The following PDGFD variants were observed in gnomAD, a reference collection of about 807,000 sequenced individuals.
The protein encoded by PDGFD is platelet derived growth factor D.
A neutral mutation model predicts 44.7 loss-of-function variants in PDGFD; 30 were observed. The observed-to-expected ratio is 0.67, with a 90% CI of 0.50 to 0.91. The LOEUF (loss-of-function observed/expected upper bound fraction) is 0.91, where lower values mean the gene tolerates loss of function less well. PDGFD is among the 40% of genes least tolerant of loss of function. The pLI, the probability that PDGFD is intolerant of heterozygous loss-of-function variation, is 0.00. For missense variants in PDGFD, 445 were observed against 457.8 expected (o/e 0.97, Z 0.25); for synonymous variants, 173 against 168.4 (o/e 1.03, Z -0.21).
At position 103,932,989 on chromosome 11, in the gene PDGFD, A is replaced by T. The variant is rs149976173; in HGVS notation, c.773-5863T>A. ...AGGATGAACCAAGATGCATGAGATG[A>T]CTGGCACCAAGATCTGTGAAATATA... On this transcript the variant is annotated intron_variant, in intron 5 of 6. Coordinates refer to ENST00000393158, the MANE Select transcript of PDGFD (RefSeq NM_025208.5). Among the ~76,000 whole-genome samples, 832 of 152,308 alleles carry T rather than the reference A, an allele frequency of 5.5e-3. 5 individuals carry two copies. Among genetic ancestry groups the T allele is most frequent in the Non-Finnish European group, 7.2e-3 (489 of 68,022 alleles).
At chr11:103,954,628 A>C (rs1239078382) in intron 3 of PDGFD, among the ~76,000 whole-genome samples, 1 of 152,190 alleles carries the variant, frequency 6.6e-6, no homozygotes, top group East Asian at 1.9e-4. Context: ...ATTTGGGGAA[A>C]GTTTTAAAAG....
intron 1 of PDGFD, among the ~76,000 whole-genome samples, chr11:104,005,690 T>C (rs911170489): frequency 2.0e-5 from 3 of 152,312 alleles, no homozygotes; most frequent in Middle Eastern, 6.8e-3. Context: ...ATTGGTATTA[T>C]CCCCACTTTA....
intron 1 of PDGFD, among the ~76,000 whole-genome samples, chr11:104,052,492 T>C (rs972462951): frequency 1.3e-5 from 2 of 152,192 alleles, no homozygotes; most frequent in Non-Finnish European, 2.9e-5. Flanking sequence ...TAAATATTTA[T>C]TAATTATTGA....
intron 1 of PDGFD, among the ~76,000 whole-genome samples, chr11:104,095,422 A>T (rs969402357): frequency 1.4e-4 from 21 of 152,088 alleles, no homozygotes; most frequent in African/African-American, 5.1e-4. Context: ...AGCTCTCTCA[A>T]CCCTAATCTG....
At chr11:103,918,703 G>T (rs1177831573) in intron 6 of PDGFD, among the ~76,000 whole-genome samples, 1 of 152,128 alleles carries the variant, frequency 6.6e-6, no homozygotes, top group African/African-American at 2.4e-5. Context: ...AGACAAGACA[G>T]GAGAGCACTA....
chr11:104,138,073 T>C (rs1862036963), intron 1 of PDGFD, among the ~76,000 whole-genome samples: 1 of 152,178 alleles, frequency 6.6e-6, no homozygotes, highest in Non-Finnish European at 1.5e-5. Flanking sequence ...ACTTGACCTA[T>C]GTTATGAAGA....
At chr11:104,022,511 C>T (rs1404487919) in intron 1 of PDGFD, among the ~76,000 whole-genome samples, 2 of 152,128 alleles carry the variant, frequency 1.3e-5, no homozygotes, top group African/African-American at 2.4e-5. Context: ...ATAGATTTTA[C>T]CCCCCTCCAA....
intron 1 of PDGFD, among the ~76,000 whole-genome samples, chr11:104,058,237 T>G (rs1860653918): frequency 6.6e-6 from 1 of 152,208 alleles, no homozygotes; most frequent in South Asian, 2.1e-4. Context: ...AGAAATTATT[T>G]GCAAAACACG....
chr11:104,156,810 C>T (rs1011540986), intron 1 of PDGFD, among the ~76,000 whole-genome samples: 13 of 152,218 alleles, frequency 8.5e-5, no homozygotes, highest in Non-Finnish European at 1.8e-4. Context: ...ACTATTTCTT[C>T]CTGTATGTGT....
At chr11:103,946,705 C>T (rs1858672519) in intron 4 of PDGFD, among the ~76,000 whole-genome samples, 1 of 152,188 alleles carries the variant, frequency 6.6e-6, no homozygotes, top group East Asian at 1.9e-4. Flanking sequence ...AGGTTCAGAG[C>T]ATGTATTCTG....
chr11:104,124,309 A>G (rs756023915), intron 1 of PDGFD, among the ~76,000 whole-genome samples: 1 of 152,106 alleles, frequency 6.6e-6, no homozygotes, highest in African/African-American at 2.4e-5. Flanking sequence ...TCTAGGAGGT[A>G]TACTCCATTT....
At chr11:104,003,683 G>A (rs976362048) in intron 1 of PDGFD, among the ~76,000 whole-genome samples, 1 of 152,226 alleles carries the variant, frequency 6.6e-6, no homozygotes, top group Non-Finnish European at 1.5e-5. Context: ...AAGTGGTGAT[G>A]AGTAATTCAA....
At chr11:104,088,931 A>AG (rs1173735347) in intron 1 of PDGFD, among the ~76,000 whole-genome samples, 2 of 151,532 alleles carry the variant, frequency 1.3e-5, no homozygotes, top group East Asian at 3.9e-4. Context: ...TGGGGGAAAA[A>AG]AAAAACTACG....
At chr11:104,071,265 TTTC>T (rs533786039) in intron 1 of PDGFD, among the ~76,000 whole-genome samples, 2 of 151,924 alleles carry the variant, frequency 1.3e-5, no homozygotes, top group Non-Finnish European at 2.9e-5. Flanking sequence ...AACTTAAATT[TTTC>T]TTTTCATCAG....
At chr11:104,116,270 C>T (rs1339566162) in intron 1 of PDGFD, among the ~76,000 whole-genome samples, 1 of 152,042 alleles carries the variant, frequency 6.6e-6, no homozygotes, top group Non-Finnish European at 1.5e-5. Context: ...TATCTCAGAA[C>T]AATTTGTTGA....
chr11:103,996,342 C>T, intron 2 of PDGFD, 97 bp from the exon 3 acceptor site: 2 of 1,051,322 alleles, frequency 1.9e-6, no homozygotes, highest in South Asian at 1.5e-5. Flanking sequence ...TATGATTTGT[C>T]ATGACCACAA....
chr11:103,943,017 T>C (rs547569060), intron 5 of PDGFD, among the ~76,000 whole-genome samples: 93 of 152,114 alleles, frequency 6.1e-4, no homozygotes, highest in Non-Finnish European at 1.1e-3. Flanking sequence ...ACCAAACCCT[T>C]CTTAGTCTGA....
intron 3 of PDGFD, among the ~76,000 whole-genome samples, chr11:103,957,050 C>T (rs1349162088): frequency 4.6e-5 from 7 of 152,124 alleles, no homozygotes; most frequent in African/African-American, 1.7e-4. Context: ...TGTGCAGAAG[C>T]TCTTTAGTTT....
At chr11:104,077,119 C>T (rs1860970362) in intron 1 of PDGFD, among the ~76,000 whole-genome samples, 1 of 152,152 alleles carries the variant, frequency 6.6e-6, no homozygotes, top group African/African-American at 2.4e-5. Flanking sequence ...GGTTTGGTTC[C>T]CCTAATCCAC....
Sources: gnomAD v4.1 joint callset for allele counts (sites outside exome capture counted in the v4.1 genomes callset) on GRCh38, gnomAD v4.1.1 for gene constraint, MANE v1.5 for transcripts, NCBI Gene and HGNC (gene_info 2026-07-23, HGNC 2026-07-21) for gene names.